Variants in IPO9 observed in about 807,000 individuals in gnomAD.
IPO9 encodes the protein importin 9.
In IPO9, 28 loss-of-function variants were observed where a neutral mutation model predicts 128.6. The observed-to-expected ratio is 0.22, with a 90% CI of 0.16 to 0.30. The LOEUF (loss-of-function observed/expected upper bound fraction) is 0.30. Among genes scored for constraint, IPO9 ranks in the 10% least tolerant of loss-of-function variants. The probability of loss-of-function intolerance (pLI) is 1.00; values close to 1 mark genes in which losing one functional copy is unlikely to be tolerated. For missense variants in IPO9, 935 were observed against 1,293.9 expected, an observed-to-expected ratio of 0.72 and a Z score of 4.26; for synonymous variants, 455 against 475.8, an observed-to-expected ratio of 0.96 and a Z score of 0.57.
chr1:201,859,032 T>C, intron 13 of IPO9, 38 bp downstream of exon 13: 2 of 1,585,122 alleles, frequency 1.3e-6, no homozygotes, highest in East Asian at 2.3e-5. Context: ...AGAAACTCTT[T>C]AAACCTGTTG....
chr1:201,837,892 G>A (rs1190235950), intron 1 of IPO9, among the ~76,000 whole-genome samples: 1 of 152,084 alleles, frequency 6.6e-6, no homozygotes, highest in African/African-American at 2.4e-5. Context: ...CCAACATGGA[G>A]AAACCACATT....
intron 14 of IPO9, among the ~76,000 whole-genome samples, chr1:201,864,138 G>A (rs1025784209): frequency 6.6e-6 from 1 of 152,098 alleles, no homozygotes; most frequent in African/African-American, 2.4e-5. Flanking sequence ...GAATATCTTA[G>A]GCTCAAACTT....
intron 15 of IPO9, among the ~76,000 whole-genome samples, chr1:201,867,954 A>G (rs749133997): frequency 2.0e-5 from 3 of 152,210 alleles, no homozygotes; most frequent in Non-Finnish European, 2.9e-5. Flanking sequence ...TGGGTATATC[A>G]TAATTTACCC....
At chr1:201,869,540 A>G in intron 16 of IPO9, 50 bp from the exon 17 acceptor site, 9 of 1,601,832 alleles carry the variant, frequency 5.6e-6, no homozygotes, top group Non-Finnish European at 7.7e-6. Context: ...TTGTTGGGCA[A>G]CCCCCACCCC....
chr1:201,839,454 G>A lies in IPO9; in HGVS notation c.164-7825G>A, dbSNP rs537417653. 3.3e-5 allele frequency among the ~76,000 whole-genome samples: 5 copies of A among 151,658 alleles called. No homozygotes were observed. The South Asian group carries it at 6.3e-4, about 19-fold the overall frequency. ...CTGGTGCCTGTAGTCCCAACTACTC[G>A]GGAGGCTGAGGCAGGAGAATGGCGG... On this transcript the variant is annotated intron_variant, in intron 1 of 23. Transcript: ENST00000361565.
rs74947610 is a variant in IPO9 at position 201,853,002 on chromosome 1, T to C, written c.604-9T>C. ...TGGCTATGCTGTTATGCTGTAACCT[T>C]TCTTCCAGGTGTATGGTATTCGAAC... On this transcript the variant is annotated splice_polypyrimidine_tract_variant and intron_variant, in intron 5 of 23. Coordinates refer to ENST00000361565, the MANE Select transcript of IPO9 (RefSeq NM_018085.5). The C allele has an allele frequency of 7.7e-3, 12,377 of 1,613,304 alleles. 76 individuals carry two copies. Among genetic ancestry groups the C allele is most frequent in the Non-Finnish European group, 8.2e-3 (9,677 of 1,179,200 alleles).
rs1372211747 is a variant in IPO9, at chr1:201,870,960, T to C, written c.2409+102T>C. On this transcript the variant is annotated intron_variant, in intron 18 of 23. Transcript: ENST00000361565. The surrounding 1 kb of genome is among the most constrained non-coding windows in gnomAD (Gnocchi z 4.9). Reference sequence around the variant, plus strand: ...TTTTATTTTACCCTCTTACTAGCCTTGTAGGACAGTTAAGTAAAATGGGAC... The same window carrying C: ...TTTTATTTTACCCTCTTACTAGCCTCGTAGGACAGTTAAGTAAAATGGGAC... 17 of 1,411,162 alleles carry C rather than the reference T, an allele frequency of 1.2e-5. No individual in the cohort carries two copies. Among genetic ancestry groups the C allele is most frequent in the Non-Finnish European group, 1.5e-5 (16 of 1,050,358 alleles). 87.4% of individuals were successfully genotyped at this position (1,411,162 alleles called of 1,614,324 possible). A position where few individuals can be genotyped will look rare whatever the true frequency, so the allele number is the denominator to read the frequency against.
In IPO9 at chr1:201,857,566, C is replaced by T. The variant is rs142981167; in HGVS notation, c.1221+372C>T. The stretch of plus-strand genomic sequence containing the variant: ...ATCCCAGCACTTGGGGAGGCCGAGG[C>T]GGGCAGATCACCTGAGGTCCAGAGT... On this transcript the variant is annotated intron_variant, in intron 11 of 23. Transcript: ENST00000361565. Among the ~76,000 whole-genome samples, 1,128 of 152,112 alleles carry T rather than the reference C, an allele frequency of 7.4e-3. 14 individuals are homozygous for T. The highest frequency in any genetic ancestry group is 0.026 in the African/African-American group (1,058 of 41,466).
chr1:201,875,008 C>A, intron 22 of IPO9, 72 bp downstream of exon 22: 1 of 1,370,062 alleles, frequency 7.3e-7, no homozygotes, highest in Non-Finnish European at 1.0e-6. Context: ...CAGTGGGGTA[C>A]CCAAGAAAGG....
chr1:201,870,810 T>C lies in IPO9; in HGVS notation c.2361T>C (p.Arg787=). ...ELGENLDQIL[R]AILSKMQQAE... is the part of the protein sequence containing the mutation. ...GGGAGAATCTAGACCAGATTCTTCG[T>C]GCCATCCTCAGTAAGATGCAGCAGG... Residue 787 remains arginine (R), a synonymous_variant, in exon 18 of 24, where the codon CGT becomes CGC. Coordinates refer to ENST00000361565, the MANE Select transcript of IPO9 (RefSeq NM_018085.5). The surrounding 1 kb of genome is among the most constrained non-coding windows in gnomAD (Gnocchi z 4.9). The C allele has an allele frequency of 6.2e-7, 1 of 1,614,176 alleles. No homozygotes were observed. Among genetic ancestry groups the C allele is most frequent in the Non-Finnish European group, 8.5e-7 (1 of 1,180,020 alleles).
Position 201,853,071 on chromosome 1 carries a change from A to T in IPO9, c.664A>T (p.Ile222Phe). ...VEIFTTCAHMICNMEELEKGA... is the reference protein window; with the variant it reads ...VEIFTTCAHMFCNMEELEKGA... The stretch of plus-strand genomic sequence containing the variant: ...GATTTTTACCACTTGTGCCCATATG[A>T]TCTGTAACATGGAGGAGCTGGAAAA... The change falls in exon 6 of 24, where the codon ATC becomes TTC. Residue 222 changes from isoleucine to phenylalanine, a missense_variant. Ile to Phe is a conservative substitution (Grantham distance 21, BLOSUM62 0). This residue lies in a region of IPO9 where 741 missense variants were observed against 1,019.1 expected (regional missense o/e 0.73). Transcript: ENST00000361565. 1 of 1,614,046 alleles carries T rather than the reference A, an allele frequency of 6.2e-7. No individual in the cohort carries two copies. The highest frequency in any genetic ancestry group is 2.2e-5 in the East Asian group (1 of 44,872).
At chr1:201,851,038 C>T (rs1003618010) in intron 4 of IPO9, among the ~76,000 whole-genome samples, 1 of 151,908 alleles carries the variant, frequency 6.6e-6, no homozygotes. Context: ...TTATTTGAGA[C>T]ATGGTCTCAC....
chr1:201,856,558 A>G (rs1225434101), intron 10 of IPO9, among the ~76,000 whole-genome samples: 1 of 152,238 alleles, frequency 6.6e-6, no homozygotes. Flanking sequence ...GTAATCAGCC[A>G]GATTCTAAAA....
chr1:201,858,744 T>C (rs1680380199), intron 12 of IPO9, 111 bp from the exon 13 acceptor site: 2 of 1,152,158 alleles, frequency 1.7e-6, no homozygotes, highest in African/African-American at 3.1e-5. Flanking sequence ...GGTAAATGAC[T>C]CTTTTGGAAG....
At position 201,855,124 on chromosome 1, in the gene IPO9, T is replaced by C. The variant is rs971767448; in HGVS notation, c.912T>C (p.Phe304=). 6.3e-7 allele frequency: 1 copy of C among 1,583,512 alleles called. No homozygotes were observed. The highest frequency in any genetic ancestry group is 8.7e-7 in the Non-Finnish European group (1 of 1,153,400). Residue 304 remains phenylalanine, a splice_region_variant and synonymous_variant, in exon 9 of 24, where the codon TTT becomes TTC. Transcript: ENST00000361565. ...TCTATTTCTTTACTCTTCATCATAC[T>C]TATGTGAGGACAGAAGTAAATTACA... ...VWNTLTESAA[F]YVRTEVNYTE...
In IPO9 at chr1:201,869,492, T is replaced by C. The variant is rs193150884; in HGVS notation, c.2005-98T>C. The C allele has an allele frequency of 8.8e-4, 1,235 of 1,409,108 alleles. 9 individuals carry two copies. In the African/African-American group the frequency reaches 0.016, roughly 18 times the overall value. The allele number at this position is 1,409,108 out of a possible 1,614,324, so 87.3% of individuals were successfully genotyped here. A position where few individuals can be genotyped will look rare whatever the true frequency, so the allele number is the denominator to read the frequency against. ...TTGCCTTTCATTAATAAGCTTTCTC[T>C]GGGTTGCTATGTAATACCCATCCAG... On this transcript the variant is annotated intron_variant, in intron 16 of 23. Coordinates refer to ENST00000361565, the MANE Select transcript of IPO9 (RefSeq NM_018085.5).
chr1:201,848,349 C>T, intron 3 of IPO9, 44 bp from the exon 4 acceptor site: 1 of 1,558,122 alleles, frequency 6.4e-7, no homozygotes, highest in South Asian at 1.1e-5. Flanking sequence ...CTGCCAGTCA[C>T]TTTTAACCTG....
At chr1:201,874,510 G>GC in intron 21 of IPO9, 138 bp downstream of exon 21, 1 of 974,596 alleles carries the variant, frequency 1.0e-6, no homozygotes, top group South Asian at 1.7e-5. Flanking sequence ...CTGGCACCAT[G>GC]CTAGGCACTA....
intron 11 of IPO9, among the ~76,000 whole-genome samples, chr1:201,857,693 G>A (rs1239825689): frequency 6.6e-6 from 1 of 151,872 alleles, no homozygotes; most frequent in Non-Finnish European, 1.5e-5. Flanking sequence ...TACTCGGGAG[G>A]CTGACGCAGG....
Sources: allele counts gnomAD v4.1 joint callset (sites outside exome capture counted in the v4.1 genomes callset), GRCh38; gene constraint gnomAD v4.1.1; regional missense constraint gnomAD v4.1.1; non-coding constraint Gnocchi (gnomAD v3.1); transcripts MANE v1.5; gene names NCBI Gene and HGNC (gene_info 2026-07-23, HGNC 2026-07-21).